The following PCDHGA11 variants were observed in gnomAD, a reference collection of about 807,000 sequenced individuals.
The protein encoded by PCDHGA11 is protocadherin gamma-A11.
PCDHGA11 carries 39 observed loss-of-function variants against 60.4 expected under a neutral mutation model. The observed-to-expected ratio is 0.65, with a 90% confidence interval of 0.50 to 0.84. The LOEUF (loss-of-function observed/expected upper bound fraction) is 0.84. Ranked by LOEUF, PCDHGA11 falls within the 40% of genes least tolerant of loss-of-function variation. The probability of loss-of-function intolerance (pLI) is 0.00; values close to 1 mark genes in which losing one functional copy is unlikely to be tolerated. For synonymous variants in PCDHGA11, 533 were observed against 510.3 expected (o/e 1.04, Z -0.60); for missense variants, 1,165 against 1,197.7 (o/e 0.97, Z 0.40).
In PCDHGA11 at chr5:141,438,615, TATATATATATATATATATATACACAC is replaced by T. The variant is rs1337184558; in HGVS notation, c.2433+14957_2433+14982del. ...ACATATATATATATATATATATATATATATATATATATATATATATACACACACACACACACATATATGTATATATA... is the reference window on the plus strand; with the variant it reads ...ACATATATATATATATATATATATATACACACACACATATATGTATATATA... On this transcript the variant is annotated intron_variant, in intron 1 of 3. Coordinates refer to ENST00000398587, the MANE Select transcript of PCDHGA11 (RefSeq NM_018914.3). 3.6e-3 allele frequency among the ~76,000 whole-genome samples: 130 copies of T among 35,912 alleles called. 2 individuals are homozygous for T. Among genetic ancestry groups the T allele is most frequent in the African/African-American group, 0.022 (107 of 4,918 alleles). The allele number at this position is 35,912 out of a possible 152,430, so 23.6% of individuals were successfully genotyped here.
At position 141,482,865 on chromosome 5, in the gene PCDHGA11, A is replaced by G. The variant is rs557581796; in HGVS notation, c.2434-11942A>G. ...GGTGGGCAGATCACTTGAGGTCAGG[A>G]GTTTGAAACCAGCCTGGCCAACATG... On this transcript the variant is annotated intron_variant, in intron 1 of 3. Coordinates refer to ENST00000398587, the MANE Select transcript of PCDHGA11 (RefSeq NM_018914.3). Among the ~76,000 whole-genome samples, 66 of 152,206 alleles carry G rather than the reference A, an allele frequency of 4.3e-4. 1 individual carries two copies. Among genetic ancestry groups the G allele is most frequent in the African/African-American group, 1.5e-3 (61 of 41,516 alleles).
At chr5:141,458,438 CCCA>C (rs1221646653) in intron 1 of PCDHGA11, among the ~76,000 whole-genome samples, 3 of 152,024 alleles carry the variant, frequency 2.0e-5, no homozygotes, top group African/African-American at 7.2e-5. Context: ...GAGGAGGTCC[CCCA>C]CATTAACAAT....
At chr5:141,484,009 TG>T (rs2099590446) in intron 1 of PCDHGA11, among the ~76,000 whole-genome samples, 1 of 14,098 alleles carries the variant, frequency 7.1e-5, no homozygotes, top group Admixed American at 8.3e-4. Context: ...TGGATGAGGG[TG>T]GGGGTGGGGT....
In PCDHGA11 at chr5:141,423,562, A is replaced by G. The variant is rs374427537; in HGVS notation, c.2335A>G (p.Thr779Ala). The change falls in exon 1 of 4, where the codon ACG (threonine) becomes GCG (alanine). Residue 779 changes from threonine (T) to alanine (A), a missense_variant. Coordinates refer to ENST00000398587, the MANE Select transcript of PCDHGA11 (RefSeq NM_018914.3). ...TTTCCCCCAGCCCAACTATGGGGAC[A>G]CGCTCATCAGCCAGGAGAGCTGTGA... is the stretch of plus-strand genomic sequence containing the variant. ...LIFPQPNYGD[T>A]LISQESCEKS... 7 of 1,613,498 alleles carry G rather than the reference A, an allele frequency of 4.3e-6. No homozygotes were observed. The African/African-American group carries it at 8.0e-5, about 18-fold the overall frequency.
At chr5:141,427,870 C>T (rs773176633) in intron 1 of PCDHGA11, 86 of 1,558,630 alleles carry the variant, frequency 5.5e-5, no homozygotes, top group Non-Finnish European at 4.8e-5. Context: ...TTCGAGCTCA[C>T]GATGCAGGCC....
At chr5:141,500,315 G>C (rs944076867) in intron 2 of PCDHGA11, among the ~76,000 whole-genome samples, 41 of 151,522 alleles carry the variant, frequency 2.7e-4, no homozygotes, top group African/African-American at 9.5e-4. Flanking sequence ...TTCACGCCAT[G>C]CTCCTGCCTC....
Position 141,454,782 on chromosome 5 carries a change from C to A in PCDHGA11, c.2433+31122C>A, listed in dbSNP as rs116242508. On this transcript the variant is annotated intron_variant, in intron 1 of 3. Transcript: ENST00000398587. ...GACATGTTTTTTACAAGGAAATAAT[C>A]CTCCATGGTTCTAATTTTTTTTTTT... is the stretch of plus-strand genomic sequence containing the variant. 8.4e-3 allele frequency among the ~76,000 whole-genome samples: 1,205 copies of A among 143,216 alleles called. 20 individuals are homozygous for A. Among genetic ancestry groups the A allele is most frequent in the African/African-American group, 0.03 (1,150 of 37,952 alleles). The allele number at this position is 143,216 out of a possible 152,430, so 94.0% of individuals were successfully genotyped here. A position where few individuals can be genotyped will look rare whatever the true frequency, so the allele number is the denominator to read the frequency against.
At chr5:141,441,791 C>T in intron 1 of PCDHGA11, 1 of 390,714 alleles carries the variant, frequency 2.6e-6, no homozygotes, top group Non-Finnish European at 5.1e-6. Flanking sequence ...TGAATGACAA[C>T]GCACCGCGGG....
chr5:141,499,689 CTTTTTTTT>C (rs545067566), intron 2 of PCDHGA11, among the ~76,000 whole-genome samples: 2 of 119,856 alleles, frequency 1.7e-5, no homozygotes, highest in Non-Finnish European at 3.5e-5. Flanking sequence ...TAACAGATGA[CTTTTTTTT>C]TTTTTTTTTT....
In PCDHGA11 at chr5:141,423,387, G is replaced by A. The variant is rs373190092; in HGVS notation, c.2160G>A (p.Trp720Ter). The A allele has an allele frequency of 6.2e-7, 1 of 1,614,162 alleles. No individual in the cohort carries two copies. Among genetic ancestry groups the A allele is most frequent in the Non-Finnish European group, 8.5e-7 (1 of 1,180,010 alleles). ...TGCTGGCACTCAGGCTGTGGCGCTG[G>A]CATAAGTCACGCCTGCTGCAGGCTT... Reference protein sequence around the residue: ...IVLLALRLWRWHKSRLLQASE... With the variant: ...IVLLALRLWR The change falls in exon 1 of 4, where the codon TGG becomes TGA. Residue 720 changes from tryptophan to a stop codon, truncating the protein, a stop_gained. Transcript: ENST00000398587. LOFTEE classifies it high-confidence loss of function.
At chr5:141,456,873 G>A (rs2098894054) in intron 1 of PCDHGA11, among the ~76,000 whole-genome samples, 1 of 152,152 alleles carries the variant, frequency 6.6e-6, no homozygotes, top group Non-Finnish European at 1.5e-5. Context: ...TGAGGCAGGA[G>A]AATCGCTTGA....
Position 141,476,525 on chromosome 5 carries a change from A to T in PCDHGA11, c.2434-18282A>T, listed in dbSNP as rs766638463. On this transcript the variant is annotated intron_variant, in intron 1 of 3. Coordinates refer to ENST00000398587, the MANE Select transcript of PCDHGA11 (RefSeq NM_018914.3). This position sits in a 1 kb window ranked among gnomAD's most constrained non-coding sequence, Gnocchi z 7.6. ...CAACGACAACAATCCTGCTTTCCCTACCCAGGAAATGAAATTGGAGATTAG... is the reference window on the plus strand; with the variant it reads ...CAACGACAACAATCCTGCTTTCCCTTCCCAGGAAATGAAATTGGAGATTAG... The T allele has an allele frequency of 6.2e-7, 1 of 1,614,068 alleles. No homozygotes were observed. The highest frequency in any genetic ancestry group is 2.2e-5 in the East Asian group (1 of 44,854).
At chr5:141,504,696 G>T (rs2099840373) in intron 2 of PCDHGA11, among the ~76,000 whole-genome samples, 1 of 151,438 alleles carries the variant, frequency 6.6e-6, no homozygotes, top group African/African-American at 2.4e-5. Flanking sequence ...GGAGGGGCAG[G>T]TTCTTCTATG....
At position 141,485,929 on chromosome 5, in the gene PCDHGA11, G is replaced by A; in HGVS notation, c.2434-8878G>A. 1 of 1,614,150 alleles carries A rather than the reference G, an allele frequency of 6.2e-7. No homozygotes were observed. The highest frequency in any genetic ancestry group is 8.5e-7 in the Non-Finnish European group (1 of 1,180,036). ...AATCCAGCTACAGGATTAGTGTGTT[G>A]GAGAGCGCACCAGCGGGCATGGTGC... On this transcript the variant is annotated intron_variant, in intron 1 of 3. Coordinates refer to ENST00000398587, the MANE Select transcript of PCDHGA11 (RefSeq NM_018914.3). This position sits in a 1 kb window ranked among gnomAD's most constrained non-coding sequence, Gnocchi z 5.7.
chr5:141,442,348 CTG>C (rs1318031659), intron 1 of PCDHGA11: 1 of 152,378 alleles, frequency 6.6e-6, no homozygotes, highest in Non-Finnish European at 1.5e-5. Context: ...TTCTGGGTAA[CTG>C]TAGCTCTATG....
At chr5:141,501,755 G>C (rs2099810889) in intron 2 of PCDHGA11, among the ~76,000 whole-genome samples, 1 of 152,116 alleles carries the variant, frequency 6.6e-6, no homozygotes, top group Non-Finnish European at 1.5e-5. Context: ...GAAGCTCTCA[G>C]TAAATGGTTA....
At chr5:141,447,182 C>G (rs1205769161) in intron 1 of PCDHGA11, among the ~76,000 whole-genome samples, 1 of 152,126 alleles carries the variant, frequency 6.6e-6, no homozygotes, top group Non-Finnish European at 1.5e-5. Flanking sequence ...TCTTGTCGCG[C>G]AGGCTGGAGT....
intron 1 of PCDHGA11, among the ~76,000 whole-genome samples, chr5:141,466,594 C>G (rs557960608): frequency 6.6e-6 from 1 of 152,268 alleles, no homozygotes; most frequent in Admixed American, 6.5e-5. Flanking sequence ...TTAAAACAAG[C>G]TAGCTACTTG....
rs1358954122 is a variant in PCDHGA11, at chr5:141,491,553, C to T, written c.2434-3254C>T. On this transcript the variant is annotated intron_variant, in intron 1 of 3. Coordinates refer to ENST00000398587, the MANE Select transcript of PCDHGA11 (RefSeq NM_018914.3). This position sits in a 1 kb window ranked among gnomAD's most constrained non-coding sequence, Gnocchi z 6.9. ...CGCTGCGGCCCACAGACTCGCAGAG[C>T]CACTGCTACAGGACGTGCTTTTCAC... The T allele has an allele frequency of 6.2e-7, 1 of 1,613,954 alleles. No homozygotes were observed.
Sources: allele counts gnomAD v4.1 joint callset (sites outside exome capture counted in the v4.1 genomes callset), GRCh38; gene constraint gnomAD v4.1.1; non-coding constraint Gnocchi (gnomAD v3.1); transcripts MANE v1.5; gene names NCBI Gene and HGNC (gene_info 2026-07-23, HGNC 2026-07-21).